PXK: variants seen among roughly 807,000 people sequenced by gnomAD.
PXK encodes the protein PX domain-containing protein kinase-like protein.
PXK carries 35 observed loss-of-function variants against 84.7 expected under a neutral mutation model. That is an observed-to-expected ratio of 0.41 (90% CI 0.32 to 0.55). The LOEUF is 0.55. PXK is among the 20% of genes least tolerant of loss of function. The pLI, the probability that PXK is intolerant of heterozygous loss-of-function variation, is 0.21. For synonymous variants in PXK, 253 were observed against 260.8 expected (o/e 0.97, Z 0.29); for missense variants, 634 against 699.7 (o/e 0.91, Z 1.06).
Position 58,421,024 on chromosome 3 carries a change from T to C in PXK, c.1529-3728T>C, listed in dbSNP as rs1189560002. On this transcript the variant is annotated intron_variant, in intron 17 of 17. Coordinates refer to ENST00000356151, the MANE Select transcript of PXK (RefSeq NM_017771.5). The surrounding 1 kb of genome is among the most constrained non-coding windows in gnomAD (Gnocchi z 5.5). The stretch of plus-strand genomic sequence containing the variant: ...CTGACGGTAGGGAAAAACAGTTCTT[T>C]TGTAAGCATCCTTTATAATTCTCGA... The C allele has an allele frequency of 1.0e-6, 1 of 1,002,310 alleles. No homozygotes were observed. Among genetic ancestry groups the C allele is most frequent in the Non-Finnish European group, 1.2e-6 (1 of 840,892 alleles). 62.1% of individuals were successfully genotyped at this position (1,002,310 alleles called of 1,614,324 possible).
intron 4 of PXK, among the ~76,000 whole-genome samples, chr3:58,386,217 G>T (rs138932197): frequency 6.6e-6 from 1 of 151,830 alleles, no homozygotes; most frequent in East Asian, 1.9e-4. Flanking sequence ...CAGCTGTTGT[G>T]CAGGGAAAAC....
chr3:58,361,476 G>C (rs566069714), intron 1 of PXK, among the ~76,000 whole-genome samples: 29 of 152,074 alleles, frequency 1.9e-4, no homozygotes, highest in African/African-American at 6.8e-4. Context: ...CCCTTCTGTA[G>C]CTACACTGCT....
chr3:58,390,624 C>A lies in PXK; in HGVS notation c.431C>A (p.Pro144Gln). 6.2e-7 allele frequency: 1 copy of A among 1,613,010 alleles called. No individual in the cohort carries two copies. The highest frequency in any genetic ancestry group is 1.1e-5 in the South Asian group (1 of 90,976). ...GTTTCCATGTTCTTCCGATCAGAAC[C>A]AAAGTGGGAGGTGGTGGAACCTTTG... is the stretch of plus-strand genomic sequence containing the variant. ...QQVSMFFRSEPKWEVVEPLKD... is the reference protein window; with the variant it reads ...QQVSMFFRSEQKWEVVEPLKD... Residue 144 changes from proline to glutamine, a missense_variant, in exon 5 of 18, where the codon CCA (proline) becomes CAA (glutamine). This residue lies in a region of PXK where 353 missense variants were observed against 385.2 expected (regional missense o/e 0.92). Transcript: ENST00000356151. This position sits in a 1 kb window ranked among gnomAD's most constrained non-coding sequence, Gnocchi z 4.2.
Position 58,395,676 on chromosome 3 carries a change from T to A in PXK, c.739T>A (p.Phe247Ile). The A allele has an allele frequency of 6.2e-7, 1 of 1,613,348 alleles. No homozygotes were observed. Among genetic ancestry groups the A allele is most frequent in the Non-Finnish European group, 8.5e-7 (1 of 1,179,586 alleles). The change falls in exon 9 of 18, where the codon TTT becomes ATT. Residue 247 changes from phenylalanine (F) to isoleucine (I), a missense_variant. By Grantham distance (21) the Phe-to-Ile change is conservative. Transcript: ENST00000356151. ...LIYKAKPKDPFLKKYCNPKKI... is the reference protein window; with the variant it reads ...LIYKAKPKDPILKKYCNPKKI... Reference sequence around the variant, plus strand: ...TCCAAAGGCAAAACCAAAAGACCCATTTCTAAAGAAGTACTGCAACCCTAA... The same window carrying A: ...TCCAAAGGCAAAACCAAAAGACCCAATTCTAAAGAAGTACTGCAACCCTAA...
At position 58,399,323 on chromosome 3, in the gene PXK, C is replaced by G. The variant is rs2058209089; in HGVS notation, c.1127C>G (p.Ser376Cys). 1 of 1,614,056 alleles carries G rather than the reference C, an allele frequency of 6.2e-7. No individual in the cohort carries two copies. Among genetic ancestry groups the G allele is most frequent in the Non-Finnish European group, 8.5e-7 (1 of 1,180,016 alleles). The part of the protein sequence containing the change: ...AVVAVLESTL[S>C]CEACKNGMPT... ...GTGGCCGTGTTGGAGTCTACGCTGTCTTGTGAAGCCTGTAAAAATGGCATG... is the reference window on the plus strand; with the variant it reads ...GTGGCCGTGTTGGAGTCTACGCTGTGTTGTGAAGCCTGTAAAAATGGCATG... Residue 376 changes from serine (S) to cysteine (C), a missense_variant, in exon 12 of 18, where the codon TCT (serine) becomes TGT (cysteine). Around this residue, in one of 3 missense-constraint regions of PXK, gnomAD observed 273 missense variants for 283.6 expected, o/e 0.96. Transcript: ENST00000356151. The surrounding 1 kb of genome is among the most constrained non-coding windows in gnomAD (Gnocchi z 4.3).
Position 58,424,808 on chromosome 3 carries a change from C to T in PXK, c.1585C>T (p.Pro529Ser). 1.2e-6 allele frequency: 2 copies of T among 1,614,186 alleles called. No individual in the cohort carries two copies. The highest frequency in any genetic ancestry group is 1.7e-6 in the Non-Finnish European group (2 of 1,180,026). Residue 529 changes from proline (P) to serine (S), a missense_variant, in exon 18 of 18, where the codon CCT (proline) becomes TCT (serine). By Grantham distance (74) the Pro-to-Ser change is moderately conservative. Transcript: ENST00000356151. ...PPPPPPAAPL[P>S]PASTEAPAQL... ...TCCACCACCACCAGCAGCTCCCTTG[C>T]CTCCTGCGAGCACCGAGGCACCTGC...
chr3:58,382,159 T>C (rs934064265), intron 3 of PXK, among the ~76,000 whole-genome samples: 3 of 151,914 alleles, frequency 2.0e-5, no homozygotes, highest in African/African-American at 7.3e-5. Flanking sequence ...CTCCTAAAAA[T>C]ACAAAAATTA....
At position 58,408,596 on chromosome 3, in the gene PXK, C is replaced by G. The variant is rs1025315751; in HGVS notation, c.1231-328C>G. Among the ~76,000 whole-genome samples, 4 of 151,346 alleles carry G rather than the reference C, an allele frequency of 2.6e-5. No individual in the cohort carries two copies. The South Asian group carries it at 8.3e-4, about 31-fold the overall frequency. ...GGAGTGCAGTGGCGTGATCTCGGCT[C>G]TCTGCAAGCTCCGCCTCCCGGGTTC... is the stretch of plus-strand genomic sequence containing the variant. On this transcript the variant is annotated intron_variant, in intron 13 of 17. Transcript: ENST00000356151.
chr3:58,405,198 G>A (rs2059207594), intron 13 of PXK, among the ~76,000 whole-genome samples: 1 of 152,180 alleles, frequency 6.6e-6, no homozygotes, highest in Non-Finnish European at 1.5e-5. Context: ...CATGGAAGTA[G>A]GTGGGAGACT....
At chr3:58,368,876 A>G (rs1169228190) in intron 2 of PXK, among the ~76,000 whole-genome samples, 2 of 152,220 alleles carry the variant, frequency 1.3e-5, no homozygotes, top group African/African-American at 4.8e-5. Context: ...TACAACTGAG[A>G]AAGAATGTGT....
intron 13 of PXK, among the ~76,000 whole-genome samples, chr3:58,406,023 A>G (rs1576651488): frequency 3.9e-5 from 6 of 152,046 alleles, no homozygotes; most frequent in African/African-American, 1.4e-4. Context: ...AGGCTGGAGT[A>G]CAATGGCATG....
chr3:58,337,410 T>A (rs2097642238), intron 1 of PXK, among the ~76,000 whole-genome samples: 1 of 152,206 alleles, frequency 6.6e-6, no homozygotes, highest in Admixed American at 6.5e-5. Context: ...AGGCACATGC[T>A]AGAGATAGAA....
intron 3 of PXK, among the ~76,000 whole-genome samples, chr3:58,380,331 G>C (rs1295932619): frequency 6.6e-6 from 1 of 152,046 alleles, no homozygotes; most frequent in East Asian, 1.9e-4. Context: ...TACTTGTGAG[G>C]CTGGGGTGAC....
chr3:58,348,162 G>C (rs2097855351), intron 1 of PXK, among the ~76,000 whole-genome samples: 1 of 152,166 alleles, frequency 6.6e-6, no homozygotes, highest in Admixed American at 6.5e-5. Flanking sequence ...ACCTACCTCT[G>C]CCTTCCAAAG....
At position 58,332,916 on chromosome 3, in the gene PXK, G is replaced by T. The variant is rs1043748234; in HGVS notation, c.-73G>T. ...TGTTGACAGCGGCGGCGGTGGAACC[G>T]GGCGGGCGGCGGGAGTCGGCGCCTC... On this transcript the variant is annotated 5_prime_UTR_variant, in exon 1 of 18. Transcript: ENST00000356151. This position sits in a 1 kb window ranked among gnomAD's most constrained non-coding sequence, Gnocchi z 5.6. 4.0e-6 allele frequency: 4 copies of T among 992,680 alleles called. No individual in the cohort carries two copies. The highest frequency in any genetic ancestry group is 1.7e-5 in the African/African-American group (1 of 57,438). 61.5% of individuals were successfully genotyped at this position (992,680 alleles called of 1,614,324 possible).
rs2058756639 is a variant in PXK at position 58,402,605 on chromosome 3, T to C, written c.1182-1257T>C. ...CCACCATGCCCGGCTAGTTTTTGTA[T>C]TTTTAGTAGAAACAGGGTTTTCACC... On this transcript the variant is annotated intron_variant, in intron 12 of 17. Transcript: ENST00000356151. 1.3e-5 allele frequency among the ~76,000 whole-genome samples: 2 copies of C among 151,558 alleles called. 1 individual carries two copies. Among genetic ancestry groups the C allele is most frequent in the South Asian group, 4.2e-4 (2 of 4,794 alleles).
chr3:58,382,724 A>G (rs745641043), intron 4 of PXK, 24 bp downstream of exon 4: 3 of 1,466,790 alleles, frequency 2.0e-6, no homozygotes, highest in Non-Finnish European at 2.7e-6. Flanking sequence ...TCTGTGAATT[A>G]TGGTCACATG....
chr3:58,385,762 G>A lies in PXK; in HGVS notation c.388+3062G>A, dbSNP rs1022693522. Reference sequence around the variant, plus strand: ...GATCTGCCCACCTCAGCCTCCCAAAGTGCTGGGATTACAGGCATGAGCCAC... The same window carrying A: ...GATCTGCCCACCTCAGCCTCCCAAAATGCTGGGATTACAGGCATGAGCCAC... On this transcript the variant is annotated intron_variant, in intron 4 of 17. Coordinates refer to ENST00000356151, the MANE Select transcript of PXK (RefSeq NM_017771.5). The surrounding 1 kb of genome is among the most constrained non-coding windows in gnomAD (Gnocchi z 5.1). Among the ~76,000 whole-genome samples, 6 of 152,104 alleles carry A rather than the reference G, an allele frequency of 3.9e-5. No individual in the cohort carries two copies. The highest frequency in any genetic ancestry group is 3.9e-4 in the Admixed American group (6 of 15,270).
At chr3:58,374,445 A>G (rs1228596723) in intron 3 of PXK, among the ~76,000 whole-genome samples, 1 of 152,122 alleles carries the variant, frequency 6.6e-6, no homozygotes, top group East Asian at 1.9e-4. Context: ...AAATGCTGGG[A>G]CTACAGGTGT....
Sources: gnomAD v4.1 joint callset for allele counts (sites outside exome capture counted in the v4.1 genomes callset) on GRCh38, gnomAD v4.1.1 for gene constraint, gnomAD v4.1.1 regional missense constraint, Gnocchi (gnomAD v3.1) non-coding constraint, MANE v1.5 for transcripts, NCBI Gene and HGNC (gene_info 2026-07-23, HGNC 2026-07-21) for gene names.